ADAM19: variants seen among roughly 807,000 people sequenced by gnomAD.
The protein encoded by ADAM19 is ADAM metallopeptidase domain 19.
In ADAM19, 65 loss-of-function variants were observed where a neutral mutation model predicts 114.7. That is an observed-to-expected ratio of 0.57 (90% CI 0.46 to 0.70). The LOEUF is 0.70. ADAM19 is among the 30% of genes least tolerant of loss of function. The pLI, the probability that ADAM19 is intolerant of heterozygous loss-of-function variation, is 0.00. For missense variants in ADAM19, 1,063 were observed against 1,204.7 expected (o/e 0.88, Z 1.74); for synonymous variants, 466 against 460.5 (o/e 1.01, Z -0.15).
At chr5:157,564,031 A>G (rs1757585011) in intron 3 of ADAM19, among the ~76,000 whole-genome samples, 1 of 152,118 alleles carries the variant, frequency 6.6e-6, no homozygotes, top group African/African-American at 2.4e-5. Context: ...CCTGCCACAC[A>G]CTAGGCTGGC....
At chr5:157,560,324 TC>T (rs1305975840) in intron 3 of ADAM19, among the ~76,000 whole-genome samples, 1 of 138,104 alleles carries the variant, frequency 7.2e-6, no homozygotes, top group Non-Finnish European at 1.6e-5. Context: ...TCAGAGCCTA[TC>T]CGGGGCCAAA....
At chr5:157,557,896 G>A (rs1366717917) in intron 3 of ADAM19, among the ~76,000 whole-genome samples, 4 of 152,156 alleles carry the variant, frequency 2.6e-5, no homozygotes, top group African/African-American at 9.7e-5. Flanking sequence ...TTTGAAGGGA[G>A]ACATAAACAT....
intron 12 of ADAM19, among the ~76,000 whole-genome samples, chr5:157,502,526 G>A (rs1248659335): frequency 2.0e-5 from 3 of 152,244 alleles, no homozygotes; most frequent in Non-Finnish European, 4.4e-5. Context: ...GAGGAAGACA[G>A]AGTCAACATG....
At chr5:157,527,331 C>T (rs1188165888) in intron 5 of ADAM19, among the ~76,000 whole-genome samples, 1 of 152,208 alleles carries the variant, frequency 6.6e-6, no homozygotes, top group Non-Finnish European at 1.5e-5. Flanking sequence ...CTGCCTCAGC[C>T]TCCCGAATAG....
rs1477679872 is a variant in ADAM19, at chr5:157,496,998, T to C, written c.1490A>G (p.Asn497Ser). 1.3e-6 allele frequency: 2 copies of C among 1,597,820 alleles called. No homozygotes were observed. Among genetic ancestry groups the C allele is most frequent in the Non-Finnish European group, 1.7e-6 (2 of 1,173,186 alleles). Reference protein sequence around the residue: ...CTGKSPHCPTNFYQMDGTPCE... With the variant: ...CTGKSPHCPTSFYQMDGTPCE... ...GGGGGTACCATCCATCTGGTAGAAGTTGGTAGGGCAGTGGGGAGACTTGCC... is the reference window on the plus strand; with the variant it reads ...GGGGGTACCATCCATCTGGTAGAAGCTGGTAGGGCAGTGGGGAGACTTGCC... Residue 497 changes from asparagine to serine, a missense_variant, in exon 14 of 23, where the codon AAC becomes AGC. Physicochemically the swap from Asn to Ser is conservative, Grantham distance 46. This residue lies in a region of ADAM19 where 615 missense variants were observed against 706.3 expected (regional missense o/e 0.87). Transcript: ENST00000257527.
At chr5:157,510,366 C>CAGG (rs1215818647) in intron 8 of ADAM19, among the ~76,000 whole-genome samples, 2 of 152,174 alleles carry the variant, frequency 1.3e-5, no homozygotes, top group East Asian at 3.8e-4. Context: ...CCCAGCTACT[C>CAGG]AGGAGGCTGA....
intron 3 of ADAM19, among the ~76,000 whole-genome samples, chr5:157,555,543 A>G (rs1210429704): frequency 2.6e-5 from 4 of 152,126 alleles, no homozygotes; most frequent in Non-Finnish European, 5.9e-5. Flanking sequence ...CATCCCCAAA[A>G]CACCTGAAAA....
intron 13 of ADAM19, 37 bp from the exon 14 acceptor site, chr5:157,497,126 C>A (rs772525842): frequency 1.4e-6 from 2 of 1,452,282 alleles, no homozygotes; most frequent in East Asian, 2.7e-5. Context: ...CAGTCAATCT[C>A]CTCCCCACCC....
intron 5 of ADAM19, among the ~76,000 whole-genome samples, chr5:157,525,508 G>A (rs750141515): frequency 6.6e-5 from 10 of 152,116 alleles, no homozygotes; most frequent in Non-Finnish European, 1.2e-4. Context: ...TGTGAGAGCC[G>A]GGGCTAATCC....
chr5:157,493,246 G>T (rs1755236278), intron 15 of ADAM19, 69 bp from the exon 16 acceptor site: 1 of 1,542,872 alleles, frequency 6.5e-7, no homozygotes, highest in East Asian at 2.3e-5. Context: ...GCACCAGAGA[G>T]CTTCAGTCTT....
intron 12 of ADAM19, among the ~76,000 whole-genome samples, chr5:157,502,543 G>A (rs747356714): frequency 3.9e-5 from 6 of 152,224 alleles, no homozygotes; most frequent in African/African-American, 1.4e-4. Context: ...CATGCCACGT[G>A]ATCGTGGTTT....
chr5:157,505,374 T>A (rs1409127360), intron 11 of ADAM19, among the ~76,000 whole-genome samples: 1 of 152,014 alleles, frequency 6.6e-6, no homozygotes, highest in Non-Finnish European at 1.5e-5. Flanking sequence ...TCATAAAAAA[T>A]TCATGAAATA....
At chr5:157,566,850 T>G (rs1757678632) in intron 2 of ADAM19, 2 of 152,202 alleles carry the variant, frequency 1.3e-5, no homozygotes, top group South Asian at 4.1e-4. Context: ...TTTAAATTTT[T>G]TGTAGATACT....
At chr5:157,521,671 T>G (rs1756289869) in intron 5 of ADAM19, among the ~76,000 whole-genome samples, 1 of 152,024 alleles carries the variant, frequency 6.6e-6, no homozygotes, top group African/African-American at 2.4e-5. Context: ...AATCACCCCC[T>G]CTGACGGACA....
chr5:157,548,895 G>C (rs1447435735), intron 3 of ADAM19, among the ~76,000 whole-genome samples: 2 of 152,190 alleles, frequency 1.3e-5, no homozygotes, highest in Non-Finnish European at 2.9e-5. Flanking sequence ...TGGGAGAAAA[G>C]AGAAGGCCGA....
intron 8 of ADAM19, among the ~76,000 whole-genome samples, chr5:157,512,268 A>G (rs1211925705): frequency 6.6e-6 from 1 of 152,228 alleles, no homozygotes; most frequent in Non-Finnish European, 1.5e-5. Context: ...AACCATGGGC[A>G]TGGAAACTGC....
chr5:157,488,524 A>G (rs1325481139), intron 20 of ADAM19, 35 bp from the exon 21 acceptor site: 1 of 1,503,110 alleles, frequency 6.7e-7, no homozygotes, highest in South Asian at 1.3e-5. Context: ...CTGAGACAAG[A>G]AATCACTCAG....
intron 8 of ADAM19, among the ~76,000 whole-genome samples, chr5:157,513,041 G>A (rs867072297): frequency 3.3e-4 from 50 of 152,152 alleles, no homozygotes; most frequent in Non-Finnish European, 6.0e-4. Flanking sequence ...GGGTCAGAAG[G>A]ACAGTGTTCT....
chr5:157,524,893 T>A (rs771519868), intron 5 of ADAM19, among the ~76,000 whole-genome samples: 1 of 152,254 alleles, frequency 6.6e-6, no homozygotes. Context: ...TTGTGTATTA[T>A]ACATCAAGCA....
Sources: gnomAD v4.1 joint callset for allele counts (sites outside exome capture counted in the v4.1 genomes callset) on GRCh38, gnomAD v4.1.1 for gene constraint, gnomAD v4.1.1 regional missense constraint, MANE v1.5 for transcripts, NCBI Gene and HGNC (gene_info 2026-07-23, HGNC 2026-07-21) for gene names.